Variants in LMAN1L observed in about 807,000 individuals in gnomAD.
LMAN1L encodes the protein lectin, mannose binding 1 like.
In LMAN1L, 60 loss-of-function variants were observed where a neutral mutation model predicts 58.3. That is an observed-to-expected ratio of 1.03 (90% CI 0.84 to 1.27). The LOEUF (loss-of-function observed/expected upper bound fraction) is 1.27, where lower values mean the gene tolerates loss of function less well. Among genes scored for constraint, LMAN1L ranks in the 50% most tolerant of loss-of-function variants. The pLI is 0.00. For synonymous variants in LMAN1L, 280 were observed against 271.6 expected (o/e 1.03, Z -0.31); for missense variants, 629 against 674.0 (o/e 0.93, Z 0.74).
rs894728247 is a variant in LMAN1L, at chr15:74,818,761, C to T, written c.541C>T (p.Arg181Trp). 33 of 1,611,694 alleles carry T rather than the reference C, an allele frequency of 2.0e-5. No individual in the cohort carries two copies. Among genetic ancestry groups the T allele is most frequent in the African/African-American group, 2.7e-5 (2 of 74,906 alleles). Residue 181 changes from arginine to tryptophan, a missense_variant, in exon 5 of 14, where the codon CGG becomes TGG. Physicochemically the swap from Arg to Trp is moderately radical, Grantham distance 101. Around this residue, in one of 3 missense-constraint regions of LMAN1L, gnomAD observed 573 missense variants for 597.3 expected, o/e 0.96. Transcript: ENST00000309664. ...GCTGGGCTCCTGTCATTGGGACTTC[C>T]GGAACCGGCCACACCCCTTCAGAGC... ...QGLGSCHWDF[R>W]NRPHPFRARI...
rs778705324 is a variant in LMAN1L at position 74,812,875 on chromosome 15, AG to A, written c.23del (p.Gly8ValfsTer62). 16 of 1,609,574 alleles carry A rather than the reference AG, an allele frequency of 9.9e-6. No homozygotes were observed. The highest frequency in any genetic ancestry group is 5.4e-5 in the African/African-American group (4 of 74,758). ...TCACGATGCCGGCGGTCAGTGGTCC[AG>A]GTCCCTTATTCTGCCTTCTCCTCCT... Reference protein sequence around the residue: MPAVSGPGPLFCLLLLLL... With the variant: MPAVSGPXPLFCLLLLLL... On this transcript the variant is annotated frameshift_variant, in exon 1 of 14. Coordinates refer to ENST00000309664, the MANE Select transcript of LMAN1L (RefSeq NM_021819.3). LOFTEE classifies it high-confidence loss of function.
chr15:74,813,110 C>T, intron 1 of LMAN1L, 81 bp downstream of exon 1: 1 of 1,433,678 alleles, frequency 7.0e-7, no homozygotes, highest in Non-Finnish European at 9.6e-7. Context: ...GGGAGTGGGT[C>T]TGTCACAGCC....
At position 74,820,107 on chromosome 15, in the gene LMAN1L, C is replaced by T; in HGVS notation, c.774+8C>T. ...AGTGAGCCCAGCCCAGAGGTGATGC[C>T]AGCCCTGGCCTACCTGGGAATGGCA... On this transcript the variant is annotated splice_region_variant and intron_variant, in intron 7 of 13. Coordinates refer to ENST00000309664, the MANE Select transcript of LMAN1L (RefSeq NM_021819.3). The T allele has an allele frequency of 6.2e-7, 1 of 1,613,404 alleles. No individual in the cohort carries two copies. The highest frequency in any genetic ancestry group is 8.5e-7 in the Non-Finnish European group (1 of 1,179,336).
At chr15:74,822,572 C>A in intron 10 of LMAN1L, 70 bp from the exon 11 acceptor site, 1 of 1,290,924 alleles carries the variant, frequency 7.7e-7, no homozygotes, top group Non-Finnish European at 1.1e-6. Context: ...TGCAGTGCCG[C>A]TGGGAAGGTG....
At chr15:74,814,371 TGTTTTTG>T (rs1567222926) in intron 1 of LMAN1L, among the ~76,000 whole-genome samples, 38 of 86,406 alleles carry the variant, frequency 4.4e-4, no homozygotes, top group African/African-American at 7.6e-4. Context: ...TTTTTGTTTT[TGTTTTTG>T]TTTTTTTTTT....
chr15:74,813,195 C>T (rs948749777), intron 1 of LMAN1L, 166 bp downstream of exon 1: 24 of 711,068 alleles, frequency 3.4e-5, no homozygotes, highest in Non-Finnish European at 7.2e-6. Flanking sequence ...TTGTCTCCTG[C>T]TCCACCGCCT....
chr15:74,821,788 A>G, intron 9 of LMAN1L, 41 bp from the exon 10 acceptor site: 1 of 1,347,426 alleles, frequency 7.4e-7, no homozygotes, highest in Non-Finnish European at 1.1e-6. Flanking sequence ...AGGGGAGGGG[A>G]CTTACACTCC....
rs149307909 is a variant in LMAN1L at position 74,821,120 on chromosome 15, G to A, written c.953G>A (p.Arg318Gln). Reference sequence around the variant, plus strand: ...GAGGAGACGCTGGGCAGACACCGCCGGATCCTGCAGGCTCTGCGGGGTCTC... The same window carrying A: ...GAGGAGACGCTGGGCAGACACCGCCAGATCCTGCAGGCTCTGCGGGGTCTC... The part of the protein sequence containing the change: ...DLEETLGRHR[R>Q]ILQALRGLSK... Residue 318 changes from arginine to glutamine, a missense_variant, in exon 9 of 14, where the codon CGG becomes CAG. Physicochemically the swap from Arg to Gln is conservative, Grantham distance 43. Coordinates refer to ENST00000309664, the MANE Select transcript of LMAN1L (RefSeq NM_021819.3). 2.0e-5 allele frequency: 32 copies of A among 1,567,684 alleles called. 1 individual carries two copies. The highest frequency in any genetic ancestry group is 2.1e-4 in the Middle Eastern group (1 of 4,850).
chr15:74,823,583 A>G lies in LMAN1L; in HGVS notation c.1224A>G (p.Ala408=). The stretch of plus-strand genomic sequence containing the variant: ...GGGATGCAGCTGTCCGCATGGCTGC[A>G]GAAGCCCAGGTCTCCTACCTGCCTG... ...EMRDAAVRMA[A]EAQVSYLPVG... The change falls in exon 12 of 14, where the codon GCA becomes GCG. Residue 408 remains alanine, a synonymous_variant. Coordinates refer to ENST00000309664, the MANE Select transcript of LMAN1L (RefSeq NM_021819.3). The G allele has an allele frequency of 6.2e-7, 1 of 1,613,954 alleles. No individual in the cohort carries two copies. Among genetic ancestry groups the G allele is most frequent in the South Asian group, 1.1e-5 (1 of 91,082 alleles).
intron 4 of LMAN1L, among the ~76,000 whole-genome samples, chr15:74,817,641 T>C (rs1312765222): frequency 1.3e-5 from 2 of 152,152 alleles, no homozygotes; most frequent in African/African-American, 4.8e-5. Flanking sequence ...CCGTCCTGAG[T>C]CAGCTGCATT....
chr15:74,814,517 G>A (rs1005205096), intron 1 of LMAN1L, among the ~76,000 whole-genome samples: 1 of 152,056 alleles, frequency 6.6e-6, no homozygotes, highest in Admixed American at 6.6e-5. Context: ...GGGACTACAG[G>A]TGCCTGCCAC....
In LMAN1L at chr15:74,821,164, G is replaced by A. The variant is rs372870036; in HGVS notation, c.997G>A (p.Ala333Thr). The A allele has an allele frequency of 1.3e-4, 204 of 1,553,100 alleles. No individual in the cohort carries two copies. The highest frequency in any genetic ancestry group is 1.6e-4 in the Non-Finnish European group (188 of 1,148,578). Residue 333 changes from alanine to threonine, a missense_variant, in exon 9 of 14, where the codon GCT becomes ACT. By Grantham distance (58) the Ala-to-Thr change is moderately conservative. Around this residue, in one of 3 missense-constraint regions of LMAN1L, gnomAD observed 573 missense variants for 597.3 expected, o/e 0.96. Coordinates refer to ENST00000309664, the MANE Select transcript of LMAN1L (RefSeq NM_021819.3). ...GGGTCTCTCCAAGCAGCTGGCCCAG[G>A]CTGAGAGACAATGGAAGAAGCAGCT... ...LRGLSKQLAQAERQWKKQLGP... is the reference protein window; with the variant it reads ...LRGLSKQLAQTERQWKKQLGP...
Position 74,820,342 on chromosome 15 carries a change from C to T in LMAN1L, c.774+243C>T, listed in dbSNP as rs530244136. The T allele has an allele frequency of 5.2e-4, 320 of 614,974 alleles. No individual in the cohort carries two copies. In the African/African-American group the frequency reaches 5.5e-3, roughly 11 times the overall value. 38.1% of individuals were successfully genotyped at this position (614,974 alleles called of 1,614,324 possible). A position where few individuals can be genotyped will look rare whatever the true frequency, so the allele number is the denominator to read the frequency against. On this transcript the variant is annotated intron_variant, in intron 7 of 13. Transcript: ENST00000309664. ...GATCAGTGCCAGGTCTCAAAAGGTG[C>T]AGGGGGCTGTGGGAGCACAGAGGAG...
At chr15:74,820,284 GCTGGCT>G in intron 7 of LMAN1L, 185 bp downstream of exon 7, 2 of 636,076 alleles carry the variant, frequency 3.1e-6, no homozygotes, top group Non-Finnish European at 5.6e-6. Flanking sequence ...TCGCAGGCTG[GCTGGCT>G]CAGGCTGTGA....
In LMAN1L at chr15:74,818,757, C is replaced by G; in HGVS notation, c.537C>G (p.Asp179Glu). 1 of 1,611,828 alleles carries G rather than the reference C, an allele frequency of 6.2e-7. No homozygotes were observed. Among genetic ancestry groups the G allele is most frequent in the Non-Finnish European group, 8.5e-7 (1 of 1,179,252 alleles). Residue 179 changes from aspartate to glutamate, a missense_variant, in exon 5 of 14, where the codon GAC (aspartate) becomes GAG (glutamate). Coordinates refer to ENST00000309664, the MANE Select transcript of LMAN1L (RefSeq NM_021819.3). ...AAGGGCTGGGCTCCTGTCATTGGGA[C>G]TTCCGGAACCGGCCACACCCCTTCA... ...ASQGLGSCHW[D>E]FRNRPHPFRA...
chr15:74,825,736 T>C lies in LMAN1L; in HGVS notation c.*131T>C. 1 of 830,698 alleles carries C rather than the reference T, an allele frequency of 1.2e-6. No individual in the cohort carries two copies. The highest frequency in any genetic ancestry group is 1.9e-6 in the Non-Finnish European group (1 of 533,664). The allele number at this position is 830,698 out of a possible 1,614,324, so 51.5% of individuals were successfully genotyped here. On this transcript the variant is annotated 3_prime_UTR_variant, in exon 14 of 14. Coordinates refer to ENST00000309664, the MANE Select transcript of LMAN1L (RefSeq NM_021819.3). The stretch of plus-strand genomic sequence containing the variant: ...AGCTTTCGGCATGCTCCCACCTCGT[T>C]AAAGGTGATTTCCCTCTCCCCATGC...
At position 74,824,579 on chromosome 15, in the gene LMAN1L, G is replaced by A; in HGVS notation, c.1451+101G>A. On this transcript the variant is annotated intron_variant, in intron 13 of 13. Transcript: ENST00000309664. ...AGAGGGGACACTTCAGCTCAGAGGGGACCTGCCGAGTCCCCAAATCACAAA... is the reference window on the plus strand; with the variant it reads ...AGAGGGGACACTTCAGCTCAGAGGGAACCTGCCGAGTCCCCAAATCACAAA... The A allele has an allele frequency of 2.2e-6, 3 of 1,349,576 alleles. No homozygotes were observed. The Middle Eastern group carries it at 5.5e-4, about 249-fold the overall frequency. The allele number at this position is 1,349,576 out of a possible 1,614,324, so 83.6% of individuals were successfully genotyped here.
intron 2 of LMAN1L, 51 bp from the exon 3 acceptor site, chr15:74,816,376 G>T (rs774007468): frequency 6.3e-7 from 1 of 1,597,956 alleles, no homozygotes; most frequent in Admixed American, 1.7e-5. Flanking sequence ...TGAGCCCCGG[G>T]GTCCCAGTAT....
intron 12 of LMAN1L, 32 bp downstream of exon 12, chr15:74,823,714 C>T: frequency 6.2e-7 from 1 of 1,605,962 alleles, no homozygotes; most frequent in Non-Finnish European, 8.5e-7. Flanking sequence ...GCATGGGGTC[C>T]CCAACCTTGA....
Sources: gnomAD v4.1 joint callset for allele counts (sites outside exome capture counted in the v4.1 genomes callset) on GRCh38, gnomAD v4.1.1 for gene constraint, gnomAD v4.1.1 regional missense constraint, MANE v1.5 for transcripts, NCBI Gene and HGNC (gene_info 2026-07-23, HGNC 2026-07-21) for gene names.